Variants in SNX30 observed in about 807,000 individuals in gnomAD.
The protein encoded by SNX30 is sorting nexin family member 30.
In SNX30, 24 loss-of-function variants were observed where a neutral mutation model predicts 46.4. The ratio of observed to expected loss-of-function variants is 0.52; its 90% CI spans 0.37 to 0.73. The LOEUF is 0.73. Ranked by LOEUF, SNX30 falls within the 30% of genes least tolerant of loss-of-function variation. The pLI is 0.00. For missense variants in SNX30, 533 were observed against 555.7 expected (o/e 0.96, Z 0.41); for synonymous variants, 189 against 211.5 (o/e 0.89, Z 0.92).
At chr9:112,758,478 C>T (rs1045257051) in intron 1 of SNX30, among the ~76,000 whole-genome samples, 5 of 152,162 alleles carry the variant, frequency 3.3e-5, no homozygotes, top group African/African-American at 1.2e-4. Flanking sequence ...CACAGACGCG[C>T]ATCACCATGC....
chr9:112,837,469 T>G (rs1050999313), intron 5 of SNX30, among the ~76,000 whole-genome samples: 4 of 151,406 alleles, frequency 2.6e-5, no homozygotes, highest in Admixed American at 6.6e-5. Flanking sequence ...TTGTTTTTCG[T>G]TTTTTGGTTT....
At chr9:112,858,890 T>G (rs912288461) in intron 7 of SNX30, among the ~76,000 whole-genome samples, 20 of 152,162 alleles carry the variant, frequency 1.3e-4, no homozygotes, top group African/African-American at 4.6e-4. Context: ...CCTGCCTCCC[T>G]CAGCCCCACC....
At chr9:112,755,857 A>T (rs962008286) in intron 1 of SNX30, among the ~76,000 whole-genome samples, 2 of 152,034 alleles carry the variant, frequency 1.3e-5, no homozygotes, top group African/African-American at 4.8e-5. Flanking sequence ...CAAGCTTCCC[A>T]GCTCCAGCAG....
chr9:112,870,199 A>G lies in SNX30; in HGVS notation c.*1356A>G, dbSNP rs1173153527. 7 of 152,008 alleles carry G rather than the reference A, an allele frequency of 4.6e-5. No homozygotes were observed. Among genetic ancestry groups the G allele is most frequent in the Admixed American group, 1.3e-4 (2 of 15,252 alleles). 9.4% of individuals were successfully genotyped at this position (152,008 alleles called of 1,614,324 possible). ...TTTTTTTCTGCTGAAATGAAGCTAC[A>G]TGTCATGTTTGTGTTCTTTCATCTG... On this transcript the variant is annotated 3_prime_UTR_variant, in exon 9 of 9. Transcript: ENST00000374232.
intron 4 of SNX30, 39 bp downstream of exon 4, chr9:112,830,922 C>T (rs926782255): frequency 4.5e-6 from 7 of 1,561,768 alleles, no homozygotes; most frequent in East Asian, 2.3e-5. Flanking sequence ...TCCATATTAC[C>T]ATTCTTGGGG....
chr9:112,855,655 T>TG (rs1282093301), intron 7 of SNX30, among the ~76,000 whole-genome samples: 1 of 152,092 alleles, frequency 6.6e-6, no homozygotes, highest in Non-Finnish European at 1.5e-5. Context: ...CCTCTGGAGC[T>TG]GGGGAAGAAT....
intron 7 of SNX30, among the ~76,000 whole-genome samples, chr9:112,853,217 G>A (rs1361496616): frequency 6.6e-6 from 1 of 152,236 alleles, no homozygotes; most frequent in Admixed American, 6.5e-5. Context: ...GGCAGATGAT[G>A]AGGATTGGAA....
chr9:112,823,721 AT>A (rs530369597), intron 3 of SNX30, among the ~76,000 whole-genome samples: 90 of 150,512 alleles, frequency 6.0e-4, no homozygotes, highest in Middle Eastern at 3.4e-3. Flanking sequence ...TAATGCAACA[AT>A]TTTTTTTTTA....
At chr9:112,834,825 TAAACACACACACACAC>T (rs1253607335) in intron 4 of SNX30, among the ~76,000 whole-genome samples, 29 of 112,926 alleles carry the variant, frequency 2.6e-4, no homozygotes, top group Admixed American at 8.1e-4. Context: ...AACCGTGGAT[TAAACACACACACACAC>T]AAACACACAC....
At chr9:112,880,953 T>C (rs140334019) in intron 5 of SNX30, among the ~76,000 whole-genome samples, 113 of 152,306 alleles carry the variant, frequency 7.4e-4, no homozygotes, top group Non-Finnish European at 1.2e-3. Context: ...CATTTTCTTT[T>C]TCCTGGAATC....
intron 3 of SNX30, among the ~76,000 whole-genome samples, chr9:112,820,642 C>A (rs1840477198): frequency 1.3e-5 from 2 of 152,098 alleles, no homozygotes; most frequent in South Asian, 4.2e-4. Context: ...ATTTTCAAAT[C>A]TTTTTATCAC....
In SNX30 at chr9:112,869,764, C is replaced by G. The variant is rs1245486244; in HGVS notation, c.*921C>G. ...ATCAGTGGGCATATACCAAGCTCCA[C>G]CCCCAGTGTCAGCTTTGTGCAATTT... On this transcript the variant is annotated 3_prime_UTR_variant, in exon 9 of 9. Coordinates refer to ENST00000374232, the MANE Select transcript of SNX30 (RefSeq NM_001012994.2). 1 of 152,188 alleles carries G rather than the reference C, an allele frequency of 6.6e-6. No homozygotes were observed. Among genetic ancestry groups the G allele is most frequent in the Non-Finnish European group, 1.5e-5 (1 of 68,008 alleles). The allele number at this position is 152,188 out of a possible 1,614,324, so 9.4% of individuals were successfully genotyped here. A position where few individuals can be genotyped will look rare whatever the true frequency, so the allele number is the denominator to read the frequency against.
chr9:112,765,183 C>T (rs1839515368), intron 1 of SNX30, among the ~76,000 whole-genome samples: 1 of 152,140 alleles, frequency 6.6e-6, no homozygotes. Context: ...ACTCTAGGGT[C>T]ACTGGCTTTA....
At chr9:112,866,394 C>T (rs949132528) in intron 8 of SNX30, 1 of 468,194 alleles carries the variant, frequency 2.1e-6, no homozygotes, top group Admixed American at 2.4e-5. Flanking sequence ...ACAACATACG[C>T]AAAGTCCCTG....
intron 1 of SNX30, among the ~76,000 whole-genome samples, chr9:112,796,587 C>T (rs185151688): frequency 2.5e-4 from 38 of 152,276 alleles, no homozygotes; most frequent in Non-Finnish European, 2.1e-4. Flanking sequence ...AGAAGCATAA[C>T]GGAAGAGAAG....
chr9:112,778,414 G>A (rs966849209), intron 1 of SNX30, among the ~76,000 whole-genome samples: 1 of 151,562 alleles, frequency 6.6e-6, no homozygotes, highest in Non-Finnish European at 1.5e-5. Context: ...CTGGGATTTC[G>A]GGCACCTGCC....
chr9:112,882,797 G>C (rs1171421850), downstream of SNX30, among the ~76,000 whole-genome samples: 1 of 152,072 alleles, frequency 6.6e-6, no homozygotes, highest in Non-Finnish European at 1.5e-5. Flanking sequence ...AGGGTATCAA[G>C]AACCCTATTT....
At chr9:112,811,755 G>A (rs1289617100) in intron 2 of SNX30, among the ~76,000 whole-genome samples, 6 of 152,182 alleles carry the variant, frequency 3.9e-5, no homozygotes, top group Non-Finnish European at 7.3e-5. Context: ...GTGGACACAC[G>A]ATGTGGAAGG....
intron 7 of SNX30, among the ~76,000 whole-genome samples, chr9:112,863,820 C>T (rs1841275889): frequency 6.6e-6 from 1 of 152,218 alleles, no homozygotes; most frequent in South Asian, 2.1e-4. Flanking sequence ...TCTGGGAGAA[C>T]CTACCTCTTC....
Sources: allele counts gnomAD v4.1 joint callset (sites outside exome capture counted in the v4.1 genomes callset), GRCh38; gene constraint gnomAD v4.1.1; transcripts MANE v1.5; gene names NCBI Gene and HGNC (gene_info 2026-07-23, HGNC 2026-07-21).